Variants in DLG2 observed in about 807,000 individuals in gnomAD.
The protein encoded by DLG2 is disks large homolog 2.
Under a neutral mutation model 132.5 loss-of-function variants are expected in DLG2, and 45 were observed. That is an observed-to-expected ratio of 0.34 (90% CI 0.27 to 0.44). The LOEUF (loss-of-function observed/expected upper bound fraction) is 0.44. Among genes scored for constraint, DLG2 ranks in the 20% least tolerant of loss-of-function variants. The probability of loss-of-function intolerance (pLI) is 1.00; values close to 1 mark genes in which losing one functional copy is unlikely to be tolerated. For synonymous variants in DLG2, 424 were observed against 419.6 expected (o/e 1.01, Z -0.13); for missense variants, 1,045 against 1,196.9 (o/e 0.87, Z 1.87).
At chr11:83,732,097 C>T (rs1032593086) in intron 18 of DLG2, among the ~76,000 whole-genome samples, 7 of 151,924 alleles carry the variant, frequency 4.6e-5, no homozygotes, top group Non-Finnish European at 1.0e-4. Context: ...CTGAAATGTA[C>T]TTACTGATTA....
At chr11:84,488,999 T>C (rs2099157854) in intron 7 of DLG2, among the ~76,000 whole-genome samples, 1 of 152,196 alleles carries the variant, frequency 6.6e-6, no homozygotes, top group South Asian at 2.1e-4. Context: ...CAAGTGTTCA[T>C]AATAGTATCA....
chr11:84,570,077 A>T (rs930319291), intron 6 of DLG2, among the ~76,000 whole-genome samples: 4 of 152,200 alleles, frequency 2.6e-5, no homozygotes, highest in Non-Finnish European at 5.9e-5. Flanking sequence ...AACCAAAAAA[A>T]TAACTAGGGA....
chr11:84,384,987 T>C (rs145973474), intron 7 of DLG2, among the ~76,000 whole-genome samples: 47 of 152,254 alleles, frequency 3.1e-4, no homozygotes, highest in African/African-American at 1.1e-3. Flanking sequence ...GATGTATATT[T>C]GGAGGCTCTT....
intron 10 of DLG2, among the ~76,000 whole-genome samples, chr11:84,093,851 G>T (rs1474515947): frequency 6.6e-6 from 1 of 152,082 alleles, no homozygotes; most frequent in African/African-American, 2.4e-5. Context: ...TTGATCTCAA[G>T]TTATCCACCT....
At chr11:84,086,764 G>A (rs7929774) in intron 10 of DLG2, among the ~76,000 whole-genome samples, 129,452 of 152,072 alleles carry the variant, frequency 0.85, 55,577 homozygotes, top group Middle Eastern at 0.95. Flanking sequence ...TGCTGGGACT[G>A]CAGACATAAG....
intron 3 of DLG2, among the ~76,000 whole-genome samples, chr11:85,579,514 A>G (rs530301903): frequency 1.9e-4 from 29 of 152,342 alleles, no homozygotes; most frequent in Admixed American, 9.1e-4. Context: ...GGTATGTCAA[A>G]TGCTCCTGAA....
chr11:84,444,097 C>T (rs1311898669), intron 7 of DLG2, among the ~76,000 whole-genome samples: 1 of 151,758 alleles, frequency 6.6e-6, no homozygotes, highest in South Asian at 2.1e-4. Context: ...TATCATCAGC[C>T]AATTAATGCA....
At chr11:85,484,385 A>C (rs1386891055) in intron 3 of DLG2, among the ~76,000 whole-genome samples, 1 of 151,316 alleles carries the variant, frequency 6.6e-6, no homozygotes, top group Non-Finnish European at 1.5e-5. Flanking sequence ...TCTGCACAGC[A>C]AAAGAAACTA....
chr11:84,513,180 T>C (rs2099262174), intron 7 of DLG2, among the ~76,000 whole-genome samples: 1 of 151,832 alleles, frequency 6.6e-6, no homozygotes, highest in African/African-American at 2.4e-5. Context: ...TAAAAGAAAT[T>C]GAAGAGGACA....
chr11:85,045,577 A>T (rs946649346), intron 6 of DLG2, among the ~76,000 whole-genome samples: 2 of 152,106 alleles, frequency 1.3e-5, no homozygotes, highest in Non-Finnish European at 2.9e-5. Context: ...AATAAACAAA[A>T]AAAATGTCCT....
intron 3 of DLG2, among the ~76,000 whole-genome samples, chr11:85,464,728 T>C (rs1294265411): frequency 6.6e-6 from 1 of 151,938 alleles, no homozygotes; most frequent in Non-Finnish European, 1.5e-5. Flanking sequence ...TTGTGGCCTT[T>C]CATTAGATTT....
At chr11:84,019,189 C>T (rs1025328522) in intron 11 of DLG2, among the ~76,000 whole-genome samples, 1 of 151,836 alleles carries the variant, frequency 6.6e-6, no homozygotes, top group African/African-American at 2.4e-5. Context: ...AATGCATACA[C>T]AATATGCCGT....
intron 9 of DLG2, among the ~76,000 whole-genome samples, chr11:84,153,030 C>T (rs141409240): frequency 1.5e-3 from 235 of 152,250 alleles, no homozygotes; most frequent in African/African-American, 5.4e-3. Context: ...TCTTGTATGG[C>T]TGATCTGGTG....
chr11:85,047,530 T>C (rs1226594981), intron 6 of DLG2, among the ~76,000 whole-genome samples: 1 of 151,844 alleles, frequency 6.6e-6, no homozygotes, highest in African/African-American at 2.4e-5. Flanking sequence ...TCAATGAACA[T>C]GTGGGCCATT....
chr11:83,599,111 T>C (rs2058100537), intron 19 of DLG2, among the ~76,000 whole-genome samples: 1 of 152,160 alleles, frequency 6.6e-6, no homozygotes, highest in African/African-American at 2.4e-5. Flanking sequence ...TTAGCAAGAG[T>C]AGTTTTTCCA....
At chr11:85,478,436 A>G (rs1232599256) in intron 3 of DLG2, among the ~76,000 whole-genome samples, 1 of 152,056 alleles carries the variant, frequency 6.6e-6, no homozygotes. Flanking sequence ...GCCAACACAC[A>G]GTATATTTAT....
chr11:83,665,203 G>A (rs931086806), intron 18 of DLG2, among the ~76,000 whole-genome samples: 9 of 152,166 alleles, frequency 5.9e-5, no homozygotes, highest in East Asian at 3.9e-4. Flanking sequence ...CCAAGCTACC[G>A]TAAAATAGAA....
chr11:83,677,355 T>C (rs1481269629), intron 18 of DLG2, among the ~76,000 whole-genome samples: 1 of 152,192 alleles, frequency 6.6e-6, no homozygotes, highest in African/African-American at 2.4e-5. Context: ...AACTGCTGTA[T>C]TTTCAGATTG....
At position 84,649,252 on chromosome 11, in the gene DLG2, G is replaced by A. The variant is rs539772398; in HGVS notation, c.358-114521C>T. Among the ~76,000 whole-genome samples the A allele has an allele frequency of 3.2e-4, 49 of 152,224 alleles. 1 individual carries two copies. The highest frequency in any genetic ancestry group is 3.4e-3 in the Middle Eastern group (1 of 294). ...GGATTCTCTGATGAAAGGAACATAC[G>A]ACTAATTCCCTAGTAACAGTTTCTT... is the stretch of plus-strand genomic sequence containing the variant. On this transcript the variant is annotated intron_variant, in intron 6 of 27. Transcript: ENST00000376104.
Sources: allele counts gnomAD v4.1 joint callset (sites outside exome capture counted in the v4.1 genomes callset), GRCh38; gene constraint gnomAD v4.1.1; transcripts MANE v1.5; gene names NCBI Gene and HGNC (gene_info 2026-07-23, HGNC 2026-07-21).